TRPM5: variants seen among roughly 807,000 people sequenced by gnomAD.
The protein encoded by TRPM5 is MLSN1 and TRP-related.
A neutral mutation model predicts 124.9 loss-of-function variants in TRPM5; 121 were observed. That is an observed-to-expected ratio of 0.97 (90% confidence interval 0.84 to 1.13). The LOEUF (loss-of-function observed/expected upper bound fraction) is 1.13. Among genes scored for constraint, TRPM5 ranks in the 50% most tolerant of loss-of-function variants. The probability of loss-of-function intolerance (pLI) is 0.00; values close to 1 mark genes in which losing one functional copy is unlikely to be tolerated. For synonymous variants in TRPM5, 781 were observed against 700.5 expected (o/e 1.11, Z -1.81); for missense variants, 1,643 against 1,589.1 (o/e 1.03, Z -0.58).
chr11:2,436,629 G>A, the TRPM5 span, among the ~76,000 whole-genome samples: 2 of 152,340 alleles, frequency 1.3e-5, no homozygotes, highest in African/African-American at 4.8e-5. Context: ...CACTCCCACT[G>A]GGGGTGGGAA....
chr11:2,427,471 G>A (rs1845848578), upstream of TRPM5, among the ~76,000 whole-genome samples: 1 of 152,206 alleles, frequency 6.6e-6, no homozygotes, highest in African/African-American at 2.4e-5. Context: ...CACCTGGGCA[G>A]CCAATGCCAG....
Position 2,412,143 on chromosome 11 carries a change from G to A in TRPM5, c.2466C>T (p.Val822=), listed in dbSNP as rs756555961. ...CTCTGGGCCCCACAGACCTGCAGGT[G>A]ACACCCACGATGAACAGGAAGATGG... The change falls in exon 16 of 24, where the codon GTC becomes GTT. Residue 822 remains valine (V), a synonymous_variant. Coordinates refer to ENST00000155858, the Ensembl canonical transcript of TRPM5. 4 of 1,613,126 alleles carry A rather than the reference G, an allele frequency of 2.5e-6. No homozygotes were observed. In the Admixed American group the frequency reaches 6.7e-5, roughly 27 times the overall value.
intron 18 of TRPM5, among the ~76,000 whole-genome samples, chr11:2,410,502 T>C (rs560541170): frequency 6.6e-6 from 1 of 152,082 alleles, no homozygotes; most frequent in Non-Finnish European, 1.5e-5. Context: ...GCGGGCTGGC[T>C]GCTGGTCCAC....
chr11:2,435,613 AT>A, the TRPM5 span, among the ~76,000 whole-genome samples: 2 of 151,126 alleles, frequency 1.3e-5, no homozygotes, highest in Admixed American at 1.3e-4. The surrounding 1 kb of genome is among the most constrained non-coding windows in gnomAD (Gnocchi z 4.1). Context: ...CCATCCATCC[AT>A]CCATCCACCC....
chr11:2,418,127 G>A, intron 6 of TRPM5, 40 bp downstream of exon 11: 1 of 1,484,078 alleles, frequency 6.7e-7, no homozygotes, highest in Non-Finnish European at 9.1e-7. Flanking sequence ...CCCACCCCCG[G>A]AGGAGGGGTC....
At chr11:2,404,140 C>CCCA (rs1850265293), downstream of TRPM5, among the ~76,000 whole-genome samples, 1 of 152,178 alleles carries the variant, frequency 6.6e-6, no homozygotes, top group Non-Finnish European at 1.5e-5. Flanking sequence ...CCACATGATG[C>CCCA]CATCAGCCCC....
chr11:2,418,534 G>T (rs1383358952), exon 5 of TRPM5: 1 of 1,611,214 alleles, frequency 6.2e-7, no homozygotes. Flanking sequence ...TACCTCCAAG[G>T]TGTTGGGATC....
At chr11:2,418,726 C>T (rs1395588137) in intron 4 of TRPM5, 135 bp from the exon 10 acceptor site, 8 of 855,662 alleles carry the variant, frequency 9.3e-6, no homozygotes, top group South Asian at 1.7e-5. Flanking sequence ...GTCTGGGCCA[C>T]GTGACACAGG....
At chr11:2,443,299 C>T in the TRPM5 span, among the ~76,000 whole-genome samples, 1 of 152,204 alleles carries the variant, frequency 6.6e-6, no homozygotes, top group Non-Finnish European at 1.5e-5. This position sits in a 1 kb window ranked among gnomAD's most constrained non-coding sequence, Gnocchi z 5.0. Context: ...CACCTTCCTC[C>T]TGCTGAGGTG....
chr11:2,422,358 A>G (rs774549179), intron 1 of TRPM5, 37 bp from the exon 7 acceptor site: 1 of 1,331,126 alleles, frequency 7.5e-7, no homozygotes. Flanking sequence ...CTTTCGGGGC[A>G]CGGGGCATGG....
intron 18 of TRPM5, chr11:2,410,639 A>G (rs1211187624): frequency 5.0e-5 from 22 of 439,208 alleles, no homozygotes; most frequent in Non-Finnish European, 7.7e-5. Context: ...AGAGGCCCCC[A>G]TGGCCAAGCG....
At chr11:2,414,009 G>GGGGCCCCCCCCCCCCCCCCCCCCCCC in intron 12 of TRPM5, 52 bp downstream of exon 17, 7 of 1,023,726 alleles carry the variant, frequency 6.8e-6, no homozygotes, top group African/African-American at 1.6e-5. Context: ...GGCCCAGCTC[G>GGGGCCCCCCCCCCCCCCCCCCCCCCC]CCCGCCCACC....
intron 20 of TRPM5, 70 bp from the exon 26 acceptor site, chr11:2,406,863 C>G: frequency 1.3e-6 from 2 of 1,545,312 alleles, no homozygotes; most frequent in Non-Finnish European, 1.7e-6. Flanking sequence ...CAGGCCTGGT[C>G]CCGGGGCGAG....
intron 19 of TRPM5, among the ~76,000 whole-genome samples, chr11:2,407,544 C>G (rs1850348311): frequency 6.6e-6 from 1 of 152,236 alleles, no homozygotes; most frequent in Non-Finnish European, 1.5e-5. Context: ...GACCCAGGCC[C>G]TGCTTCCTGG....
At chr11:2,436,348 G>A in the TRPM5 span, among the ~76,000 whole-genome samples, 5 of 152,264 alleles carry the variant, frequency 3.3e-5, no homozygotes, top group East Asian at 1.9e-4. Context: ...CTGGCAAGAC[G>A]GATGAGTGCC....
Position 2,415,478 on chromosome 11 carries a change from G to A in TRPM5, c.1129-7C>T, listed in dbSNP as rs778933845. ...CCTCCTCCAGGTCACAGGACTTGGCGGCCATGGGCACCCGAGGGAAGGGGG... is the reference window on the plus strand; with the variant it reads ...CCTCCTCCAGGTCACAGGACTTGGCAGCCATGGGCACCCGAGGGAAGGGGG... On this transcript the variant is annotated splice_region_variant and splice_polypyrimidine_tract_variant and intron_variant, in intron 8 of 23. Coordinates refer to ENST00000155858, the Ensembl canonical transcript of TRPM5. 3.2e-6 allele frequency: 5 copies of A among 1,544,110 alleles called. No individual in the cohort carries two copies. The highest frequency in any genetic ancestry group is 4.6e-5 in the East Asian group (2 of 43,454).
At chr11:2,407,050 C>G in intron 20 of TRPM5, 69 bp downstream of exon 25, 1 of 1,450,150 alleles carries the variant, frequency 6.9e-7, no homozygotes, top group East Asian at 2.5e-5. Flanking sequence ...CTGCCTCCAG[C>G]GCACAGCCCC....
chr11:2,408,620 C>A (rs571949269), intron 18 of TRPM5, among the ~76,000 whole-genome samples: 1 of 152,192 alleles, frequency 6.6e-6, no homozygotes, highest in African/African-American at 2.4e-5. Context: ...AGATCTCACT[C>A]CAGTCCCTTA....
chr11:2,417,879 G>A (rs1371005500), intron 6 of TRPM5, 50 bp from the exon 12 acceptor site: 8 of 1,501,358 alleles, frequency 5.3e-6, no homozygotes, highest in Non-Finnish European at 7.2e-6. Context: ...CAGGACGGGG[G>A]CAGAGGCAGG....
Sources: allele counts gnomAD v4.1 joint callset (sites outside exome capture counted in the v4.1 genomes callset), GRCh38; gene constraint gnomAD v4.1.1; non-coding constraint Gnocchi (gnomAD v3.1); transcripts MANE v1.5; gene names NCBI Gene and HGNC (gene_info 2026-07-23, HGNC 2026-07-21).